Variants in TMCO6 observed in about 807,000 individuals in gnomAD.
The protein encoded by TMCO6 is transmembrane and coiled-coil domain-containing protein 6.
Under a neutral mutation model 61.8 loss-of-function variants are expected in TMCO6, and 47 were observed. The observed-to-expected ratio is 0.76, with a 90% confidence interval of 0.60 to 0.97. The LOEUF is 0.97. Among genes scored for constraint, TMCO6 ranks in the 50% least tolerant of loss-of-function variants. The pLI, the probability that TMCO6 is intolerant of heterozygous loss-of-function variation, is 0.00. For missense variants in TMCO6, 557 were observed against 601.6 expected (o/e 0.93, Z 0.78); for synonymous variants, 261 against 254.2 (o/e 1.03, Z -0.25).
intron 2 of TMCO6, 183 bp from the exon 3 acceptor site, chr5:140,641,482 T>C (rs1037053349): frequency 1.6e-5 from 10 of 608,808 alleles, no homozygotes; most frequent in Admixed American, 2.9e-5. Context: ...GGTATGGTAT[T>C]AGAACTCAGT....
the TMCO6 span, among the ~76,000 whole-genome samples, chr5:140,602,595 C>G: frequency 6.6e-6 from 1 of 151,910 alleles, no homozygotes; most frequent in East Asian, 1.9e-4. Flanking sequence ...CAAACCCCAT[C>G]TCTACAAAAA....
chr5:140,645,583 G>A, downstream of TMCO6: 5 of 1,614,092 alleles, frequency 3.1e-6, no homozygotes, highest in Admixed American at 1.7e-5. Flanking sequence ...CCTCAGTGGA[G>A]GCTTCAGGCT....
chr5:140,604,230 C>T, the TMCO6 span, among the ~76,000 whole-genome samples: 2 of 151,898 alleles, frequency 1.3e-5, no homozygotes, highest in African/African-American at 4.8e-5. Flanking sequence ...CTTGTCTCTA[C>T]TAAAAATCAA....
upstream of TMCO6, chr5:140,638,917 A>C (rs1278895085): frequency 1.3e-5 from 2 of 152,732 alleles, no homozygotes; most frequent in African/African-American, 2.4e-5. Flanking sequence ...TGTAAAACCA[A>C]GCTGTACCGG....
chr5:140,645,865 G>A, downstream of TMCO6: 1 of 1,108,598 alleles, frequency 9.0e-7, no homozygotes, highest in Non-Finnish European at 1.3e-6. Flanking sequence ...GGAAGCCCAA[G>A]TCCAAATAGA....
chr5:140,631,390 G>A, the TMCO6 span, among the ~76,000 whole-genome samples: 1 of 152,064 alleles, frequency 6.6e-6, no homozygotes, highest in Non-Finnish European at 1.5e-5. Flanking sequence ...AATGGCTGTG[G>A]GTTTTATTAC....
chr5:140,642,262 C>A (rs890938688), intron 4 of TMCO6, 53 bp from the exon 5 acceptor site: 1 of 1,518,742 alleles, frequency 6.6e-7, no homozygotes. Flanking sequence ...TCTCCCCACA[C>A]GCAGCCTGGC....
chr5:140,639,412 G>T, upstream of TMCO6: 1 of 1,085,002 alleles, frequency 9.2e-7, no homozygotes, highest in East Asian at 2.6e-5. Context: ...CCCGCTCCTC[G>T]CGCCCTCCCC....
the TMCO6 span, among the ~76,000 whole-genome samples, chr5:140,624,563 TATC>T: frequency 6.6e-6 from 1 of 152,134 alleles, no homozygotes; most frequent in Non-Finnish European, 1.5e-5. Context: ...TGTCTCTATC[TATC>T]ATCATTTCTT....
chr5:140,612,149 T>C, the TMCO6 span, among the ~76,000 whole-genome samples: 3 of 152,150 alleles, frequency 2.0e-5, no homozygotes, highest in Non-Finnish European at 4.4e-5. Context: ...AAGGAAGTCC[T>C]ACAACCACAA....
chr5:140,629,521 C>G, the TMCO6 span, among the ~76,000 whole-genome samples: 1 of 152,086 alleles, frequency 6.6e-6, no homozygotes, highest in South Asian at 2.1e-4. Flanking sequence ...GTATATGAAA[C>G]ATAAATGAAT....
At chr5:140,603,802 T>C in the TMCO6 span, among the ~76,000 whole-genome samples, 1 of 152,224 alleles carries the variant, frequency 6.6e-6, no homozygotes, top group Non-Finnish European at 1.5e-5. Context: ...GCTATAAACA[T>C]TTGTGTGCAA....
chr5:140,632,527 A>G, the TMCO6 span: 7 of 1,614,148 alleles, frequency 4.3e-6, no homozygotes, highest in East Asian at 1.6e-4. This position sits in a 1 kb window ranked among gnomAD's most constrained non-coding sequence, Gnocchi z 6.2. Context: ...GTCGCCCACG[A>G]CACGTTGCGT....
chr5:140,647,319 G>A, downstream of TMCO6: 1 of 1,598,354 alleles, frequency 6.3e-7, no homozygotes, highest in Non-Finnish European at 8.5e-7. Context: ...GGTAGGTCGG[G>A]ATTCGCCTTC....
At chr5:140,607,029 T>C in the TMCO6 span, among the ~76,000 whole-genome samples, 5 of 151,736 alleles carry the variant, frequency 3.3e-5, no homozygotes, top group Non-Finnish European at 7.4e-5. Flanking sequence ...GAAAAAACCT[T>C]ATAGACTACT....
the TMCO6 span, among the ~76,000 whole-genome samples, chr5:140,605,001 C>G: frequency 6.6e-6 from 1 of 152,018 alleles, no homozygotes; most frequent in African/African-American, 2.4e-5. Context: ...TTATTTAGGT[C>G]TTCTTTAATT....
At chr5:140,642,206 G>C in intron 4 of TMCO6, 109 bp from the exon 5 acceptor site, 1 of 1,388,610 alleles carries the variant, frequency 7.2e-7, no homozygotes, top group Non-Finnish European at 9.9e-7. Flanking sequence ...CCTCTTGTGA[G>C]CCGCAAGGAT....
the TMCO6 span, among the ~76,000 whole-genome samples, chr5:140,601,144 C>T: frequency 6.6e-6 from 1 of 152,160 alleles, no homozygotes; most frequent in African/African-American, 2.4e-5. Context: ...TTTCTATACA[C>T]TTTTGTTCTA....
At chr5:140,597,988 G>A in the TMCO6 span, among the ~76,000 whole-genome samples, 8 of 152,290 alleles carry the variant, frequency 5.3e-5, no homozygotes, top group Admixed American at 2.6e-4. Context: ...AAGTTGAGGT[G>A]ATGTGGGCAA....
Sources: gnomAD v4.1 joint callset for allele counts (sites outside exome capture counted in the v4.1 genomes callset) on GRCh38, gnomAD v4.1.1 for gene constraint, Gnocchi (gnomAD v3.1) non-coding constraint, MANE v1.5 for transcripts, NCBI Gene and HGNC (gene_info 2026-07-23, HGNC 2026-07-21) for gene names.